TMEM150C: variants seen among roughly 807,000 people sequenced by gnomAD.
TMEM150C encodes tentonin 3.
Under a neutral mutation model 29.9 loss-of-function variants are expected in TMEM150C, and 10 were observed. The ratio of observed to expected loss-of-function variants is 0.33; its 90% confidence interval spans 0.21 to 0.57. TMEM150C has a LOEUF of 0.57. TMEM150C is among the 20% of genes least tolerant of loss of function. The pLI, the probability that TMEM150C is intolerant of heterozygous loss-of-function variation, is 0.88. For synonymous variants in TMEM150C, 101 were observed against 112.5 expected (o/e 0.90, Z 0.64); for missense variants, 251 against 303.6 (o/e 0.83, Z 1.29).
intron 1 of TMEM150C, among the ~76,000 whole-genome samples, chr4:82,518,079 G>T (rs923633905): frequency 1.0e-3 from 158 of 152,228 alleles, no homozygotes; most frequent in African/African-American, 3.5e-3. Flanking sequence ...ACTTTGGGAG[G>T]CTGAGGCGGG....
At chr4:82,508,108 T>C (rs988526453) in intron 1 of TMEM150C, among the ~76,000 whole-genome samples, 2 of 152,142 alleles carry the variant, frequency 1.3e-5, no homozygotes, top group Admixed American at 6.6e-5. Context: ...CCAGACACCA[T>C]GAAAATAAAC....
intron 1 of TMEM150C, among the ~76,000 whole-genome samples, chr4:82,533,531 T>C (rs923789862): frequency 6.6e-6 from 1 of 152,238 alleles, no homozygotes; most frequent in Admixed American, 6.5e-5. Flanking sequence ...TTTTTTTACA[T>C]ATCTACCGTT....
intron 1 of TMEM150C, among the ~76,000 whole-genome samples, chr4:82,536,449 C>G (rs1413309742): frequency 6.6e-6 from 1 of 150,588 alleles, no homozygotes; most frequent in East Asian, 2.0e-4. Context: ...TATTTAGATA[C>G]TCAAATCACA....
intron 1 of TMEM150C, among the ~76,000 whole-genome samples, chr4:82,561,114 A>T (rs1725907470): frequency 6.6e-6 from 1 of 152,188 alleles, no homozygotes; most frequent in Non-Finnish European, 1.5e-5. Flanking sequence ...GTAGAGAAAA[A>T]AGGAGCATGA....
At chr4:82,545,818 G>C (rs769236987) in intron 1 of TMEM150C, among the ~76,000 whole-genome samples, 1 of 151,994 alleles carries the variant, frequency 6.6e-6, no homozygotes, top group African/African-American at 2.4e-5. Context: ...CCAACTACTC[G>C]GGAGGTTGAG....
intron 5 of TMEM150C, among the ~76,000 whole-genome samples, chr4:82,501,740 A>C (rs1322412046): frequency 6.6e-6 from 1 of 152,154 alleles, no homozygotes; most frequent in Non-Finnish European, 1.5e-5. Flanking sequence ...CTGACTTCTA[A>C]AGGTCTTCCC....
chr4:82,521,323 A>G (rs1724477767), intron 1 of TMEM150C, among the ~76,000 whole-genome samples: 1 of 152,264 alleles, frequency 6.6e-6, no homozygotes, highest in South Asian at 2.1e-4. Context: ...TCTCTAAAAC[A>G]AGACCTCACC....
intron 1 of TMEM150C, among the ~76,000 whole-genome samples, chr4:82,545,527 C>T (rs1292189696): frequency 6.6e-6 from 1 of 152,072 alleles, no homozygotes; most frequent in Non-Finnish European, 1.5e-5. Context: ...TGACATAGTA[C>T]TGGAAATCCT....
chr4:82,553,140 G>A (rs530824748), intron 1 of TMEM150C, among the ~76,000 whole-genome samples: 42 of 152,226 alleles, frequency 2.8e-4, no homozygotes, highest in Non-Finnish European at 5.3e-4. Flanking sequence ...TGTTCATGTA[G>A]AGGCAGTCAC....
At chr4:82,533,551 AACAG>A (rs1724918359) in intron 1 of TMEM150C, among the ~76,000 whole-genome samples, 2 of 152,206 alleles carry the variant, frequency 1.3e-5, no homozygotes. Context: ...TTATGTCTTA[AACAG>A]ACAAACAAAA....
At chr4:82,492,902 ATTTGAGAT>A (rs1432302633) in intron 6 of TMEM150C, among the ~76,000 whole-genome samples, 91 of 132,304 alleles carry the variant, frequency 6.9e-4, no homozygotes, top group Middle Eastern at 8.2e-3. Flanking sequence ...ATATATATGT[ATTTGAGAT>A]GGGGTCTTGC....
intron 5 of TMEM150C, among the ~76,000 whole-genome samples, chr4:82,501,190 T>A (rs538827681): frequency 2.0e-5 from 3 of 152,296 alleles, no homozygotes; most frequent in African/African-American, 7.2e-5. Flanking sequence ...AAGAATGGTG[T>A]CAAGAGTAGA....
intron 1 of TMEM150C, among the ~76,000 whole-genome samples, chr4:82,526,960 C>T (rs1010753020): frequency 8.6e-5 from 13 of 151,520 alleles, no homozygotes; most frequent in Non-Finnish European, 7.4e-5. Context: ...TTTCCAGAAC[C>T]GATTCCACTG....
At chr4:82,530,837 T>C (rs928499481) in intron 1 of TMEM150C, among the ~76,000 whole-genome samples, 3 of 152,086 alleles carry the variant, frequency 2.0e-5, no homozygotes, top group African/African-American at 4.8e-5. Flanking sequence ...ACCATTATGG[T>C]GGAAGGCGAA....
intron 1 of TMEM150C, among the ~76,000 whole-genome samples, chr4:82,517,754 G>A (rs1578136959): frequency 6.6e-6 from 1 of 152,300 alleles, no homozygotes; most frequent in South Asian, 2.1e-4. Flanking sequence ...CCATCTTGCA[G>A]ATGGCAGATC....
intron 1 of TMEM150C, among the ~76,000 whole-genome samples, chr4:82,547,597 A>G (rs1725429717): frequency 6.6e-6 from 1 of 152,192 alleles, no homozygotes; most frequent in South Asian, 2.1e-4. Context: ...AAAAATAAAA[A>G]AAAAAGAAAA....
intron 1 of TMEM150C, among the ~76,000 whole-genome samples, chr4:82,560,873 A>T (rs1269536367): frequency 6.6e-6 from 1 of 152,204 alleles, no homozygotes; most frequent in African/African-American, 2.4e-5. Flanking sequence ...GTTTTTCAAC[A>T]TGGCATTGGT....
At chr4:82,492,864 G>GTATATATATATATATATATATATA (rs58169287) in intron 6 of TMEM150C, among the ~76,000 whole-genome samples, 12 of 90,272 alleles carry the variant, frequency 1.3e-4, no homozygotes, top group Non-Finnish European at 1.8e-4. Flanking sequence ...ATATGTTTGT[G>GTATATATATATATATATATATATA]TATATATATA....
intron 6 of TMEM150C, among the ~76,000 whole-genome samples, chr4:82,491,897 T>C (rs1723362904): frequency 6.6e-6 from 1 of 152,050 alleles, no homozygotes; most frequent in Non-Finnish European, 1.5e-5. Context: ...TTCTTCACGC[T>C]TGCAAAACTG....
Sources: gnomAD v4.1 joint callset for allele counts (sites outside exome capture counted in the v4.1 genomes callset) on GRCh38, gnomAD v4.1.1 for gene constraint, MANE v1.5 for transcripts, NCBI Gene and HGNC (gene_info 2026-07-23, HGNC 2026-07-21) for gene names.